The following EYA2 variants were observed in gnomAD, a reference collection of about 807,000 sequenced individuals.
EYA2 encodes the protein EYA transcriptional coactivator and phosphatase 2, also known as protein phosphatase EYA2.
A neutral mutation model predicts 69.2 loss-of-function variants in EYA2; 31 were observed. The ratio of observed to expected loss-of-function variants is 0.45; its 90% confidence interval spans 0.34 to 0.60. The LOEUF (loss-of-function observed/expected upper bound fraction) is 0.60. Among genes scored for constraint, EYA2 ranks in the 20% least tolerant of loss-of-function variants. The probability of loss-of-function intolerance (pLI) is 0.02; values close to 1 mark genes in which losing one functional copy is unlikely to be tolerated. For synonymous variants in EYA2, 257 were observed against 279.4 expected, an observed-to-expected ratio of 0.92 and a Z score of 0.80; for missense variants, 622 against 701.2, an observed-to-expected ratio of 0.89 and a Z score of 1.28.
chr20:47,053,517 A>C (rs891122682), intron 5 of EYA2, among the ~76,000 whole-genome samples: 2 of 151,852 alleles, frequency 1.3e-5, no homozygotes, highest in Non-Finnish European at 2.9e-5. Context: ...AATACAAAAA[A>C]TTAGCCGGGT....
chr20:46,924,661 C>T (rs539193591), intron 1 of EYA2, among the ~76,000 whole-genome samples: 21 of 107,608 alleles, frequency 2.0e-4, no homozygotes, highest in African/African-American at 8.2e-4. Flanking sequence ...TAGAGCGAGA[C>T]TCCATCTCAA....
At chr20:46,936,567 G>C (rs531153671) in intron 1 of EYA2, among the ~76,000 whole-genome samples, 1 of 152,162 alleles carries the variant, frequency 6.6e-6, no homozygotes, top group African/African-American at 2.4e-5. Flanking sequence ...GACTGCATTT[G>C]GGTTTGGGGA....
At chr20:47,082,261 A>C (rs1019001332) in intron 7 of EYA2, among the ~76,000 whole-genome samples, 2 of 152,232 alleles carry the variant, frequency 1.3e-5, no homozygotes. Flanking sequence ...ATGATTATTT[A>C]ACTTAATTTA....
intron 12 of EYA2, among the ~76,000 whole-genome samples, chr20:47,178,348 A>AG (rs1424332991): frequency 6.6e-6 from 1 of 151,682 alleles, no homozygotes; most frequent in Non-Finnish European, 1.5e-5. Context: ...AAAAAAAAAA[A>AG]AAAGACAAGG....
In EYA2 at chr20:47,187,727, G is replaced by A. The variant is rs554711969; in HGVS notation, c.1537-326G>A. ...AAGAACAAATTTTTAAAAAGGAATCGCTTTCCCATTGTGCAATTTAACACC... is the reference window on the plus strand; with the variant it reads ...AAGAACAAATTTTTAAAAAGGAATCACTTTCCCATTGTGCAATTTAACACC... On this transcript the variant is annotated intron_variant, in intron 15 of 15. Transcript: ENST00000327619. Among the ~76,000 whole-genome samples, 12 of 152,316 alleles carry A rather than the reference G, an allele frequency of 7.9e-5. No individual in the cohort carries two copies. In the East Asian group the frequency reaches 1.7e-3, roughly 22 times the overall value.
chr20:47,079,660 T>C (rs887211095), intron 7 of EYA2, among the ~76,000 whole-genome samples: 50 of 152,236 alleles, frequency 3.3e-4, no homozygotes, highest in African/African-American at 1.2e-3. Context: ...ACAACCTGGA[T>C]ACCATGCCAT....
At position 47,072,054 on chromosome 20, in the gene EYA2, G is replaced by A. The variant is rs2031332047; in HGVS notation, c.416-131G>A. ...ACGCTGGTGTGAGGCATTACCACTA[G>A]GAACCAGAGCTTCTGCCCAGCTGTC... On this transcript the variant is annotated intron_variant, in intron 5 of 15. Transcript: ENST00000327619. 6 of 810,628 alleles carry A rather than the reference G, an allele frequency of 7.4e-6. No individual in the cohort carries two copies. In the South Asian group the frequency reaches 9.0e-5, roughly 12 times the overall value. 50.2% of individuals were successfully genotyped at this position (810,628 alleles called of 1,614,324 possible).
At position 47,173,045 on chromosome 20, in the gene EYA2, T is replaced by C. The variant is rs542928700; in HGVS notation, c.1198+178T>C. 1.2e-4 allele frequency among the ~76,000 whole-genome samples: 18 copies of C among 152,140 alleles called. No homozygotes were observed. In the South Asian group the frequency reaches 3.7e-3, roughly 32 times the overall value. ...GCACTGGGATTTTGTCACCTTCACT[T>C]TGGGGGTGGGAAAGCTGAGGGACGG... On this transcript the variant is annotated intron_variant, in intron 12 of 15. Coordinates refer to ENST00000327619, the MANE Select transcript of EYA2 (RefSeq NM_005244.5).
chr20:47,127,222 G>A (rs8119594), intron 9 of EYA2, among the ~76,000 whole-genome samples: 11 of 152,118 alleles, frequency 7.2e-5, no homozygotes, highest in Admixed American at 3.3e-4. Flanking sequence ...AGTTAGTTAC[G>A]GATGAAATTG....
At chr20:47,142,101 C>G (rs1040510773) in intron 9 of EYA2, among the ~76,000 whole-genome samples, 1 of 152,224 alleles carries the variant, frequency 6.6e-6, no homozygotes, top group Admixed American at 6.5e-5. Context: ...GTGGGACACA[C>G]AGTCTACTCA....
intron 5 of EYA2, among the ~76,000 whole-genome samples, chr20:47,033,579 G>A (rs1030793089): frequency 6.6e-6 from 1 of 152,190 alleles, no homozygotes; most frequent in African/African-American, 2.4e-5. Flanking sequence ...CATACACAAT[G>A]ACCCAGAGTG....
At chr20:47,130,987 G>A (rs1244024392) in intron 9 of EYA2, among the ~76,000 whole-genome samples, 3 of 152,098 alleles carry the variant, frequency 2.0e-5, no homozygotes, top group South Asian at 2.1e-4. Flanking sequence ...TACTCAGGGG[G>A]CTGAGGCAGG....
At chr20:46,989,693 G>T (rs1445512439) in intron 1 of EYA2, among the ~76,000 whole-genome samples, 1 of 152,164 alleles carries the variant, frequency 6.6e-6, no homozygotes, top group Non-Finnish European at 1.5e-5. Context: ...GCCCTAGTTT[G>T]CTCTGGCTCA....
intron 5 of EYA2, among the ~76,000 whole-genome samples, chr20:47,026,685 A>C (rs1984106270): frequency 6.6e-6 from 1 of 152,218 alleles, no homozygotes; most frequent in South Asian, 2.1e-4. Flanking sequence ...GCCGAGCAGT[A>C]ATGTAAAAGA....
In EYA2 at chr20:47,178,190, T is replaced by C. The variant is rs553884573; in HGVS notation, c.1199-1608T>C. On this transcript the variant is annotated intron_variant, in intron 12 of 15. Coordinates refer to ENST00000327619, the MANE Select transcript of EYA2 (RefSeq NM_005244.5). ...GAAAAATACAAAATTTAGCCGGACATGGTGGCAGGCATCTGTAGTTCCAGC... is the reference window on the plus strand; with the variant it reads ...GAAAAATACAAAATTTAGCCGGACACGGTGGCAGGCATCTGTAGTTCCAGC... Among the ~76,000 whole-genome samples the C allele has an allele frequency of 2.6e-5, 4 of 152,056 alleles. No homozygotes were observed. The East Asian group carries it at 7.7e-4, about 29-fold the overall frequency.
At chr20:47,126,639 G>A (rs1232740138) in intron 9 of EYA2, among the ~76,000 whole-genome samples, 1 of 152,160 alleles carries the variant, frequency 6.6e-6, no homozygotes, top group African/African-American at 2.4e-5. Context: ...AAGTTAGAAA[G>A]TTAGTTTCAT....
At chr20:47,142,566 A>AT (rs1446484317) in intron 9 of EYA2, among the ~76,000 whole-genome samples, 3 of 152,162 alleles carry the variant, frequency 2.0e-5, no homozygotes, top group Non-Finnish European at 2.9e-5. Flanking sequence ...GATAACAGGG[A>AT]TTTTTTTAAA....
chr20:47,018,601 G>A (rs936853865), intron 5 of EYA2, among the ~76,000 whole-genome samples: 2 of 152,324 alleles, frequency 1.3e-5, no homozygotes, highest in African/African-American at 2.4e-5. Context: ...GAGCTGGGCC[G>A]GGCCGTACAG....
intron 1 of EYA2, among the ~76,000 whole-genome samples, chr20:46,899,767 G>A (rs1339623486): frequency 6.6e-6 from 1 of 152,250 alleles, no homozygotes; most frequent in Non-Finnish European, 1.5e-5. Context: ...CTGCGGGTCA[G>A]TGGGGGCTGA....
Sources: allele counts gnomAD v4.1 joint callset (sites outside exome capture counted in the v4.1 genomes callset), GRCh38; gene constraint gnomAD v4.1.1; transcripts MANE v1.5; gene names NCBI Gene and HGNC (gene_info 2026-07-23, HGNC 2026-07-21).